Variants in SEMA3D observed in about 807,000 individuals in gnomAD.
SEMA3D encodes the protein semaphorin-3D.
SEMA3D carries 84 observed loss-of-function variants against 100.1 expected under a neutral mutation model. The ratio of observed to expected loss-of-function variants is 0.84; its 90% CI spans 0.70 to 1.01. The LOEUF is 1.01. SEMA3D is among the 50% of genes least tolerant of loss of function. SEMA3D has a pLI of 0.00. For synonymous variants in SEMA3D, 312 were observed against 320.7 expected (o/e 0.97, Z 0.29); for missense variants, 875 against 934.1 (o/e 0.94, Z 0.82).
At chr7:85,221,066 A>G in the SEMA3D span, among the ~76,000 whole-genome samples, 1 of 152,058 alleles carries the variant, frequency 6.6e-6, no homozygotes, top group Non-Finnish European at 1.5e-5. Context: ...CATGTGCTCC[A>G]ATGTCATGAC....
chr7:85,249,671 C>T, the SEMA3D span, among the ~76,000 whole-genome samples: 2 of 152,142 alleles, frequency 1.3e-5, no homozygotes, highest in South Asian at 2.1e-4. Context: ...TTAGTGAACA[C>T]GTGTTATATG....
intron 10 of SEMA3D, 87 bp downstream of exon 10, chr7:85,042,084 G>T: frequency 1.1e-6 from 1 of 931,866 alleles, no homozygotes; most frequent in Non-Finnish European, 1.7e-6. Context: ...AAATTAATCA[G>T]GCATTTGGAG....
chr7:85,050,581 C>T (rs753385563), intron 9 of SEMA3D: 28 of 387,608 alleles, frequency 7.2e-5, no homozygotes, highest in Admixed American at 1.4e-4. Flanking sequence ...ATCAATATTG[C>T]CCAGTAAAAT....
chr7:85,229,031 A>T, the SEMA3D span, among the ~76,000 whole-genome samples: 2 of 151,982 alleles, frequency 1.3e-5, no homozygotes, highest in Non-Finnish European at 2.9e-5. Context: ...TTTCAGTCCT[A>T]AGTAAAATAA....
intron 1 of SEMA3D, among the ~76,000 whole-genome samples, chr7:85,178,483 T>C (rs959077398): frequency 3.3e-5 from 5 of 152,142 alleles, no homozygotes; most frequent in African/African-American, 1.2e-4. Context: ...GATAAAGGTG[T>C]CTCTTGCTAT....
chr7:85,065,387 C>T (rs199596884), intron 8 of SEMA3D, 37 bp downstream of exon 8: 284 of 1,598,322 alleles, frequency 1.8e-4, no homozygotes, highest in Admixed American at 2.5e-4. Flanking sequence ...TAAACCAAAG[C>T]AAGACAATCA....
At chr7:85,015,256 C>A in intron 15 of SEMA3D, 40 bp from the exon 16 acceptor site, 1 of 1,585,330 alleles carries the variant, frequency 6.3e-7, no homozygotes, top group Non-Finnish European at 8.6e-7. Flanking sequence ...AAGCATCTTT[C>A]AGACTAGTCT....
At chr7:85,029,288 G>A (rs1790478810) in intron 12 of SEMA3D, 1 of 959,358 alleles carries the variant, frequency 1.0e-6, no homozygotes, top group Non-Finnish European at 1.7e-6. Flanking sequence ...GGCCATTTGA[G>A]CAAGGAAGAC....
the SEMA3D span, among the ~76,000 whole-genome samples, chr7:85,224,676 T>C: frequency 6.6e-6 from 1 of 152,148 alleles, no homozygotes; most frequent in Admixed American, 6.6e-5. Flanking sequence ...GTTATTTAAG[T>C]GTCATCTTCT....
At chr7:85,219,604 G>T in the SEMA3D span, among the ~76,000 whole-genome samples, 1 of 151,832 alleles carries the variant, frequency 6.6e-6, no homozygotes, top group African/African-American at 2.4e-5. Flanking sequence ...CTAACAGAAG[G>T]ATACAGAGTC....
the SEMA3D span, among the ~76,000 whole-genome samples, chr7:85,203,269 T>C: frequency 2.0e-5 from 3 of 152,208 alleles, no homozygotes; most frequent in South Asian, 4.1e-4. Context: ...ATTGTAAAAA[T>C]GTAAATATAT....
intron 1 of SEMA3D, among the ~76,000 whole-genome samples, chr7:85,164,007 T>TTC (rs1415157588): frequency 1.3e-5 from 2 of 152,174 alleles, no homozygotes; most frequent in African/African-American, 2.4e-5. Flanking sequence ...GAATGTTTAC[T>TTC]ATGAAATAAA....
intron 8 of SEMA3D, among the ~76,000 whole-genome samples, chr7:85,062,644 G>C (rs1448890324): frequency 6.6e-6 from 1 of 152,128 alleles, no homozygotes; most frequent in Non-Finnish European, 1.5e-5. Context: ...TTAAAACAAA[G>C]GGTCATTAAA....
the SEMA3D span, among the ~76,000 whole-genome samples, chr7:85,202,465 A>T: frequency 6.6e-6 from 1 of 151,910 alleles, no homozygotes; most frequent in African/African-American, 2.4e-5. Context: ...TCATTGTTGG[A>T]CATTTGGGTT....
the SEMA3D span, among the ~76,000 whole-genome samples, chr7:85,195,099 G>A: frequency 6.6e-5 from 10 of 152,160 alleles, no homozygotes; most frequent in Non-Finnish European, 1.5e-4. Flanking sequence ...TCTTCCATTG[G>A]CATACATTAA....
intron 3 of SEMA3D, among the ~76,000 whole-genome samples, chr7:85,114,750 C>A (rs1164390715): frequency 3.9e-5 from 6 of 152,036 alleles, no homozygotes; most frequent in Non-Finnish European, 8.8e-5. Context: ...AAAAACATAT[C>A]AATTCTCCTT....
At chr7:85,213,293 C>T in the SEMA3D span, among the ~76,000 whole-genome samples, 1 of 152,018 alleles carries the variant, frequency 6.6e-6, no homozygotes, top group East Asian at 1.9e-4. Flanking sequence ...AAAGACTTTA[C>T]TAGATTTTTG....
intron 4 of SEMA3D, among the ~76,000 whole-genome samples, chr7:85,096,176 A>C (rs776432575): frequency 1.3e-5 from 2 of 151,958 alleles, no homozygotes; most frequent in Non-Finnish European, 2.9e-5. Flanking sequence ...TTCATAAAAC[A>C]CGTCATCCCC....
chr7:85,083,722 C>T (rs1259728410), intron 4 of SEMA3D, among the ~76,000 whole-genome samples: 1 of 151,674 alleles, frequency 6.6e-6, no homozygotes, highest in African/African-American at 2.4e-5. Context: ...TGGCGGGCGC[C>T]TGTAGTCCCA....
Sources: gnomAD v4.1 joint callset for allele counts (sites outside exome capture counted in the v4.1 genomes callset) on GRCh38, gnomAD v4.1.1 for gene constraint, MANE v1.5 for transcripts, NCBI Gene and HGNC (gene_info 2026-07-23, HGNC 2026-07-21) for gene names.